The following FAM20C variants were observed in gnomAD, a reference collection of about 807,000 sequenced individuals.
FAM20C encodes extracellular serine/threonine protein kinase FAM20C.
In FAM20C, 40 loss-of-function variants were observed where a neutral mutation model predicts 51.5. That is an observed-to-expected ratio of 0.78 (90% CI 0.60 to 1.01). The LOEUF (loss-of-function observed/expected upper bound fraction) is 1.01, where lower values mean the gene tolerates loss of function less well. FAM20C is among the 50% of genes least tolerant of loss of function. FAM20C has a pLI of 0.00. For missense variants in FAM20C, 861 were observed against 844.7 expected, an observed-to-expected ratio of 1.02 and a Z score of -0.24; for synonymous variants, 406 against 380.6, an observed-to-expected ratio of 1.07 and a Z score of -0.78.
At chr7:206,401 C>T (rs1329344685) in intron 2 of FAM20C, among the ~76,000 whole-genome samples, 1 of 152,158 alleles carries the variant, frequency 6.6e-6, no homozygotes, top group Admixed American at 6.5e-5. Flanking sequence ...TTCCCTGGGA[C>T]CCCCTGAGAC....
intron 5 of FAM20C, among the ~76,000 whole-genome samples, 161 bp from the exon 6 acceptor site, chr7:255,688 C>T (rs567212192): frequency 8.2e-5 from 12 of 146,816 alleles, no homozygotes; most frequent in African/African-American, 2.3e-4. Flanking sequence ...TTTTCTGTAC[C>T]GTGGGGTGGA....
intron 2 of FAM20C, among the ~76,000 whole-genome samples, chr7:200,628 C>T (rs1487976331): frequency 6.6e-6 from 1 of 152,228 alleles, no homozygotes; most frequent in Non-Finnish European, 1.5e-5. Flanking sequence ...TGGGGCAAGG[C>T]TGCAGTTTTC....
chr7:248,109 C>T (rs1335614942), intron 4 of FAM20C, among the ~76,000 whole-genome samples: 1 of 152,208 alleles, frequency 6.6e-6, no homozygotes, highest in African/African-American at 2.4e-5. Flanking sequence ...CCCAGTCCCT[C>T]AGGGGCCTCT....
chr7:232,965 G>A (rs1286747412), intron 3 of FAM20C, among the ~76,000 whole-genome samples: 5 of 152,244 alleles, frequency 3.3e-5, no homozygotes, highest in African/African-American at 4.8e-5. Context: ...GCCCAGATCC[G>A]GGAGGAAACA....
intron 3 of FAM20C, among the ~76,000 whole-genome samples, chr7:215,163 A>G (rs1278020224): frequency 1.3e-5 from 2 of 150,658 alleles, no homozygotes; most frequent in Non-Finnish European, 3.0e-5. Context: ...AGAGTGAAAG[A>G]GAAATGTACA....
intron 2 of FAM20C, among the ~76,000 whole-genome samples, chr7:198,180 TGCAGGGCCAA>T (rs1274970981): frequency 6.6e-6 from 1 of 152,218 alleles, no homozygotes; most frequent in African/African-American, 2.4e-5. Flanking sequence ...TCAGTCATTC[TGCAGGGCCAA>T]GCAGGGCCTG....
chr7:256,621 C>T (rs1314760313), intron 6 of FAM20C, 33 bp from the exon 7 acceptor site: 4 of 1,512,522 alleles, frequency 2.6e-6, no homozygotes, highest in Non-Finnish European at 2.7e-6. Context: ...AGAATCTGGC[C>T]TGGGCCCCCC....
chr7:222,502 T>G (rs577655896), intron 3 of FAM20C, among the ~76,000 whole-genome samples: 1 of 152,136 alleles, frequency 6.6e-6, no homozygotes, highest in Non-Finnish European at 1.5e-5. Context: ...GGCCCAGGGC[T>G]GGCACTGAGA....
rs141796787 is a variant in FAM20C, at chr7:205,130, G to C, written c.785-3768G>C. Among the ~76,000 whole-genome samples, 323 of 152,318 alleles carry C rather than the reference G, an allele frequency of 2.1e-3. 2 individuals are homozygous for C. Among genetic ancestry groups the C allele is most frequent in the African/African-American group, 7.3e-3 (305 of 41,580 alleles). On this transcript the variant is annotated intron_variant, in intron 2 of 9. Transcript: ENST00000313766. ...ACCCTGGAAAGGAGGCGGGACAGGC[G>C]TCCACGTCCTGAGCCCCATTGTTTT...
intron 2 of FAM20C, among the ~76,000 whole-genome samples, chr7:205,760 G>A (rs188542018): frequency 5.8e-4 from 89 of 152,212 alleles, no homozygotes; most frequent in Non-Finnish European, 1.1e-3. Context: ...CTGCTTTCTC[G>A]TCTGCGCCCT....
In FAM20C at chr7:244,806, G is replaced by A. The variant is rs542533982; in HGVS notation, c.864-1609G>A. Among the ~76,000 whole-genome samples, 15 of 152,370 alleles carry A rather than the reference G, an allele frequency of 9.8e-5. No homozygotes were observed. In the South Asian group the frequency reaches 2.7e-3, roughly 27 times the overall value. ...AGGGCCCTGTCAAGGCGAATATTAT[G>A]TGGGATCGTGGAAAGTGGTCTGTTC... On this transcript the variant is annotated intron_variant, in intron 3 of 9. Transcript: ENST00000313766.
rs1562402047 is a variant in FAM20C at position 258,425 on chromosome 7, ACTGCCT to A, written c.1446-220_1446-215del. ...TGCTGGAGATGGGTGGGGTGGACCC[ACTGCCT>A]GGGGTGCTGGAGATGGGTGGGATGG... On this transcript the variant is annotated intron_variant, in intron 8 of 9. Transcript: ENST00000313766. Among the ~76,000 whole-genome samples, 52 of 75,214 alleles carry A rather than the reference ACTGCCT, an allele frequency of 6.9e-4. 2 individuals carry two copies. Among genetic ancestry groups the A allele is most frequent in the Admixed American group, 8.8e-4 (8 of 9,136 alleles). The allele number at this position is 75,214 out of a possible 152,430, so 49.3% of individuals were successfully genotyped here.
intron 3 of FAM20C, among the ~76,000 whole-genome samples, chr7:227,047 T>C (rs1249377340): frequency 6.6e-6 from 1 of 152,106 alleles, no homozygotes; most frequent in Non-Finnish European, 1.5e-5. Flanking sequence ...CGTCCGACCC[T>C]GGCCGACTGA....
chr7:205,484 C>T lies in FAM20C; in HGVS notation c.785-3414C>T, dbSNP rs891563849. Reference sequence around the variant, plus strand: ...CAAACACTCGGCCTCGAGCAAGCCTCCTGCCTCAGCCTCCAAAAGTGCTGG... The same window carrying T: ...CAAACACTCGGCCTCGAGCAAGCCTTCTGCCTCAGCCTCCAAAAGTGCTGG... On this transcript the variant is annotated intron_variant, in intron 2 of 9. Transcript: ENST00000313766. Among the ~76,000 whole-genome samples, 7 of 152,316 alleles carry T rather than the reference C, an allele frequency of 4.6e-5. 2 individuals are homozygous for T. In the East Asian group the frequency reaches 1.4e-3, roughly 29 times the overall value.
chr7:206,467 G>A (rs917259127), intron 2 of FAM20C, among the ~76,000 whole-genome samples: 2 of 152,028 alleles, frequency 1.3e-5, no homozygotes, highest in Admixed American at 6.6e-5. Flanking sequence ...ACTGTGATGC[G>A]TTGGCCCTGG....
At chr7:237,582 T>C (rs1456584709) in intron 3 of FAM20C, among the ~76,000 whole-genome samples, 1 of 152,014 alleles carries the variant, frequency 6.6e-6, no homozygotes, top group Non-Finnish European at 1.5e-5. Flanking sequence ...GTGGTGGTGA[T>C]AGTGGTGATG....
Position 193,671 on chromosome 7 carries a change from GC to G in FAM20C, c.474del (p.Ser159ProfsTer28), listed in dbSNP as rs1331889066. The G allele has an allele frequency of 6.5e-7, 1 of 1,538,566 alleles. No homozygotes were observed. The highest frequency in any genetic ancestry group is 2.0e-5 in the Admixed American group (1 of 50,176). ...GTCGCCCCCCGGCCCCGGCGGAGAC[GC>G]CTCCCTCCTGGCCAGGCTGTTCGAG... Reference protein sequence around the residue: ...SESPPGPGGDASLLARLFEHP... With the variant: ...SESPPGPGGDXSLLARLFEHP... On this transcript the variant is annotated frameshift_variant, in exon 1 of 10. Transcript: ENST00000313766. LOFTEE classifies it high-confidence loss of function.
At position 257,050 on chromosome 7, in the gene FAM20C, A is replaced by T; in HGVS notation, c.1409A>T (p.Asn470Ile). Reference sequence around the variant, plus strand: ...TACGAGACTTTTGAGAAGTTTGGGAATGAAACGTTCATCATCCACTTAGAC... The same window carrying T: ...TACGAGACTTTTGAGAAGTTTGGGATTGAAACGTTCATCATCCACTTAGAC... Reference protein sequence around the residue: ...HHYETFEKFGNETFIIHLDNG... With the variant: ...HHYETFEKFGIETFIIHLDNG... Residue 470 changes from asparagine to isoleucine, a missense_variant, in exon 8 of 10, where the codon AAT becomes ATT. Asn to Ile is a moderately radical substitution (Grantham distance 149, BLOSUM62 -3). Coordinates refer to ENST00000313766, the MANE Select transcript of FAM20C (RefSeq NM_020223.4). The T allele has an allele frequency of 6.5e-7, 1 of 1,537,126 alleles. No homozygotes were observed. Among genetic ancestry groups the T allele is most frequent in the Non-Finnish European group, 8.7e-7 (1 of 1,146,874 alleles).
At chr7:217,570 C>T (rs1787059019) in intron 3 of FAM20C, among the ~76,000 whole-genome samples, 1 of 152,148 alleles carries the variant, frequency 6.6e-6, no homozygotes, top group East Asian at 1.9e-4. Flanking sequence ...GGATGGCAGA[C>T]AGCTGCCTGG....
Sources: allele counts gnomAD v4.1 joint callset (sites outside exome capture counted in the v4.1 genomes callset), GRCh38; gene constraint gnomAD v4.1.1; transcripts MANE v1.5; gene names NCBI Gene and HGNC (gene_info 2026-07-23, HGNC 2026-07-21).